DOCK3: variants seen among roughly 807,000 people sequenced by gnomAD.
DOCK3 encodes the protein dedicator of cytokinesis 3, also known as dedicator of cytokinesis protein 3.
A neutral mutation model predicts 265.6 loss-of-function variants in DOCK3; 60 were observed. The observed-to-expected ratio is 0.23, with a 90% confidence interval of 0.18 to 0.28. The LOEUF (loss-of-function observed/expected upper bound fraction) is 0.28. Ranked by LOEUF, DOCK3 falls within the 10% of genes least tolerant of loss-of-function variation. DOCK3 has a pLI of 1.00. For missense variants in DOCK3, 1,981 were observed against 2,594.3 expected, an observed-to-expected ratio of 0.76 and a Z score of 5.14; for synonymous variants, 881 against 938.0, an observed-to-expected ratio of 0.94 and a Z score of 1.11.
At chr3:51,181,056 A>G (rs1490617879) in intron 12 of DOCK3, among the ~76,000 whole-genome samples, 2 of 152,244 alleles carry the variant, frequency 1.3e-5, no homozygotes, top group African/African-American at 4.8e-5. Flanking sequence ...AATTACATGT[A>G]TATACACGTA....
At chr3:51,023,347 C>T (rs1323754642) in intron 5 of DOCK3, among the ~76,000 whole-genome samples, 1 of 151,890 alleles carries the variant, frequency 6.6e-6, no homozygotes, top group African/African-American at 2.4e-5. Flanking sequence ...TTGAAACTTT[C>T]CACTGCATTT....
intron 5 of DOCK3, among the ~76,000 whole-genome samples, chr3:51,028,387 G>A (rs1190214437): frequency 6.6e-6 from 1 of 151,920 alleles, no homozygotes; most frequent in Admixed American, 6.6e-5. Flanking sequence ...TGGATAATCA[G>A]AATACTGTGT....
chr3:50,702,024 T>C (rs547475610), intron 1 of DOCK3, among the ~76,000 whole-genome samples: 3 of 152,354 alleles, frequency 2.0e-5, no homozygotes, highest in East Asian at 1.9e-4. Context: ...TTGTTCTTTT[T>C]GTACAAGATT....
intron 7 of DOCK3, among the ~76,000 whole-genome samples, chr3:51,076,082 A>C (rs1459640906): frequency 6.6e-6 from 1 of 152,198 alleles, no homozygotes; most frequent in Non-Finnish European, 1.5e-5. Flanking sequence ...TAAGTTTTAG[A>C]GTCTGTTTAA....
chr3:51,321,818 A>G (rs980609781), intron 32 of DOCK3, among the ~76,000 whole-genome samples: 12 of 152,204 alleles, frequency 7.9e-5, no homozygotes, highest in African/African-American at 2.9e-4. Context: ...TCCAAGAAAT[A>G]TGGGACTCTG....
intron 3 of DOCK3, among the ~76,000 whole-genome samples, chr3:50,869,775 T>C (rs961140563): frequency 6.6e-6 from 1 of 152,188 alleles, no homozygotes. Context: ...TTTTCTTCTT[T>C]ATTGATGTAG....
At chr3:51,350,157 C>A in intron 39 of DOCK3, 131 bp from the exon 40 acceptor site, 1 of 740,984 alleles carries the variant, frequency 1.3e-6, no homozygotes, top group Non-Finnish European at 2.2e-6. Flanking sequence ...TGTCTAGAGG[C>A]TCACTTACTT....
chr3:51,105,691 T>A (rs532557305), intron 9 of DOCK3, among the ~76,000 whole-genome samples: 1 of 152,294 alleles, frequency 6.6e-6, no homozygotes, highest in South Asian at 2.1e-4. Flanking sequence ...GCCAATTAGA[T>A]GGAGCCAGAA....
At chr3:51,041,175 TATATATATATATATATATATATATATA>T (rs1559977301) in intron 5 of DOCK3, among the ~76,000 whole-genome samples, 121 of 11,100 alleles carry the variant, frequency 0.011, 3 homozygotes, top group African/African-American at 0.032. Context: ...TATATATATA[TATATATATATATATATATATATATATA>T]TATTTTTTTT....
intron 32 of DOCK3, among the ~76,000 whole-genome samples, chr3:51,321,990 T>C (rs1267250889): frequency 6.6e-6 from 1 of 152,108 alleles, no homozygotes; most frequent in African/African-American, 2.4e-5. Flanking sequence ...GCCACAAATA[T>C]ACTCCTCGAG....
At chr3:50,782,286 G>GCTA (rs2041952369) in intron 2 of DOCK3, among the ~76,000 whole-genome samples, 1 of 44,804 alleles carries the variant, frequency 2.2e-5, no homozygotes, top group Non-Finnish European at 4.7e-5. Context: ...ACCAGTACCT[G>GCTA]TTATTTTTTT....
intron 3 of DOCK3, among the ~76,000 whole-genome samples, chr3:50,883,561 A>G (rs1448543532): frequency 2.0e-5 from 3 of 151,476 alleles, no homozygotes; most frequent in Admixed American, 1.3e-4. Flanking sequence ...GTTTTCCTTC[A>G]TCTGAAAATG....
intron 2 of DOCK3, among the ~76,000 whole-genome samples, chr3:50,812,309 A>G (rs530283468): frequency 1.3e-5 from 2 of 152,302 alleles, no homozygotes; most frequent in African/African-American, 4.8e-5. Context: ...CAATAAAACA[A>G]TAGCACACCA....
At chr3:50,873,766 C>T (rs1025511601) in intron 3 of DOCK3, among the ~76,000 whole-genome samples, 1 of 152,160 alleles carries the variant, frequency 6.6e-6, no homozygotes, top group Non-Finnish European at 1.5e-5. Flanking sequence ...GGTTTAAATG[C>T]TTTCTTCATG....
chr3:50,854,066 T>TA (rs2107421945), intron 3 of DOCK3, among the ~76,000 whole-genome samples: 1 of 152,240 alleles, frequency 6.6e-6, no homozygotes, highest in South Asian at 2.1e-4. Context: ...GATGAATAGT[T>TA]ACATTGAGCA....
intron 2 of DOCK3, among the ~76,000 whole-genome samples, chr3:50,830,480 T>C (rs372844404): frequency 6.6e-6 from 1 of 152,228 alleles, no homozygotes; most frequent in South Asian, 2.1e-4. Context: ...ATGTTACACC[T>C]TTGGAATAAA....
At chr3:51,366,233 G>A (rs1361707394) in intron 49 of DOCK3, among the ~76,000 whole-genome samples, 1 of 152,110 alleles carries the variant, frequency 6.6e-6, no homozygotes, top group South Asian at 2.1e-4. Flanking sequence ...TATGTGTCCA[G>A]GAATTTATCC....
intron 4 of DOCK3, among the ~76,000 whole-genome samples, chr3:50,926,638 A>G (rs1350658837): frequency 1.3e-5 from 2 of 152,216 alleles, no homozygotes; most frequent in African/African-American, 2.4e-5. Context: ...ATGGGTGCCC[A>G]CTATAGCAAG....
chr3:50,696,653 TC>T (rs1459401677), intron 1 of DOCK3, among the ~76,000 whole-genome samples: 1 of 152,146 alleles, frequency 6.6e-6, no homozygotes, highest in East Asian at 1.9e-4. Context: ...GCTACCATCT[TC>T]CCTTTAATTT....
Sources: gnomAD v4.1 joint callset for allele counts (sites outside exome capture counted in the v4.1 genomes callset) on GRCh38, gnomAD v4.1.1 for gene constraint, MANE v1.5 for transcripts, NCBI Gene and HGNC (gene_info 2026-07-23, HGNC 2026-07-21) for gene names.